HNRNPR: variants seen among roughly 807,000 people sequenced by gnomAD.
The protein encoded by HNRNPR is heterogeneous nuclear ribonucleoprotein R.
A neutral mutation model predicts 70.3 loss-of-function variants in HNRNPR; 4 were observed. The observed-to-expected ratio is 0.06, with a 90% CI of 0.03 to 0.13. HNRNPR has a LOEUF of 0.13. HNRNPR is among the 10% of genes least tolerant of loss of function. The pLI is 1.00. For missense variants in HNRNPR, 423 were observed against 788.5 expected (o/e 0.54, Z 5.55); for synonymous variants, 241 against 267.6 (o/e 0.90, Z 0.97).
intron 2 of HNRNPR, among the ~76,000 whole-genome samples, chr1:23,338,980 A>G (rs944810240): frequency 5.9e-5 from 9 of 152,250 alleles, no homozygotes; most frequent in Non-Finnish European, 1.0e-4. Flanking sequence ...TAGAGTGATA[A>G]GAATACATTG....
rs752495118 is a variant in HNRNPR at position 23,337,802 on chromosome 1, C to T, written c.336G>A (p.Gly112=). 112 of 1,613,572 alleles carry T rather than the reference C, an allele frequency of 6.9e-5. No homozygotes were observed. Among genetic ancestry groups the T allele is most frequent in the Non-Finnish European group, 8.6e-5 (102 of 1,179,744 alleles). Residue 112 remains glycine (G), a synonymous_variant, in exon 4 of 11, where the codon GGG becomes GGA. Transcript: ENST00000302271. ...MKTYRQREKQ[G]SKVQESTKGP... is the part of the protein sequence containing the mutation. ...CCTTTGTGGACTCTTGCACCTTGCT[C>T]CCCTGTTTCTCTCTCTGCCTGTAGG...
At position 23,311,185 on chromosome 1, in the gene HNRNPR, TA is replaced by T; in HGVS notation, c.1289+15del. 6.2e-7 allele frequency: 1 copy of T among 1,613,296 alleles called. No homozygotes were observed. Reference sequence around the variant, plus strand: ...ATTCCTTGTCCAAAGATATATCTACTAAAATGTAGACTCACGCAGTGCTTCT... The same window carrying T: ...ATTCCTTGTCCAAAGATATATCTACTAAATGTAGACTCACGCAGTGCTTCT... On this transcript the variant is annotated intron_variant, in intron 10 of 10. Transcript: ENST00000302271.
chr1:23,330,634 C>T (rs1646183823), intron 5 of HNRNPR, among the ~76,000 whole-genome samples: 1 of 152,216 alleles, frequency 6.6e-6, no homozygotes, highest in Non-Finnish European at 1.5e-5. Context: ...TCTGAGAGCT[C>T]AGACACACTA....
chr1:23,338,418 A>G, intron 3 of HNRNPR, 72 bp downstream of exon 3: 1 of 623,920 alleles, frequency 1.6e-6, no homozygotes, highest in East Asian at 3.0e-5. Context: ...ACTTCTCCAT[A>G]GGAAAAAAAG....
chr1:23,338,301 G>A (rs2148484340), intron 3 of HNRNPR, 189 bp downstream of exon 3: 1 of 404,298 alleles, frequency 2.5e-6, no homozygotes. Flanking sequence ...AAGGGGGTGG[G>A]AGAAAACTTT....
intron 9 of HNRNPR, among the ~76,000 whole-genome samples, chr1:23,312,438 A>C (rs1039196960): frequency 1.3e-5 from 2 of 152,202 alleles, no homozygotes; most frequent in Non-Finnish European, 2.9e-5. Context: ...TCGAGTCAGG[A>C]GGAATATTTA....
rs1442052109 is a variant in HNRNPR, at chr1:23,308,146, A to G, written c.*2308T>C. On this transcript the variant is annotated 3_prime_UTR_variant, in exon 11 of 11. Transcript: ENST00000302271. ...AATAGCCACAAAACCTATAAACCAA[A>G]TATTAGAGGGTACCTCTGCAAATAT... 6.6e-6 allele frequency: 1 copy of G among 152,082 alleles called. No individual in the cohort carries two copies. Among genetic ancestry groups the G allele is most frequent in the Non-Finnish European group, 1.5e-5 (1 of 67,924 alleles). 9.4% of individuals were successfully genotyped at this position (152,082 alleles called of 1,614,324 possible). A position where few individuals can be genotyped will look rare whatever the true frequency, so the allele number is the denominator to read the frequency against.
chr1:23,315,253 C>T (rs887175994), intron 8 of HNRNPR, among the ~76,000 whole-genome samples: 84 of 139,688 alleles, frequency 6.0e-4, no homozygotes, highest in African/African-American at 2.3e-3. Context: ...GCACTCCAGC[C>T]TGGGTGACAG....
In HNRNPR at chr1:23,318,788, G is replaced by T; in HGVS notation, c.812-100C>A. 9.3e-7 allele frequency: 1 copy of T among 1,069,658 alleles called. No individual in the cohort carries two copies. The highest frequency in any genetic ancestry group is 1.4e-6 in the Non-Finnish European group (1 of 724,730). The allele number at this position is 1,069,658 out of a possible 1,614,324, so 66.3% of individuals were successfully genotyped here. On this transcript the variant is annotated intron_variant, in intron 7 of 10. Transcript: ENST00000302271. This position sits in a 1 kb window ranked among gnomAD's most constrained non-coding sequence, Gnocchi z 4.2. Reference sequence around the variant, plus strand: ...ACTTGACGATGAGCAAAATATAAGTGAAGCAGCCTCAACATGAGTCACTAA... The same window carrying T: ...ACTTGACGATGAGCAAAATATAAGTTAAGCAGCCTCAACATGAGTCACTAA...
In HNRNPR at chr1:23,318,711, T is replaced by C. The variant is rs768241902; in HGVS notation, c.812-23A>G. 5 of 1,612,228 alleles carry C rather than the reference T, an allele frequency of 3.1e-6. No homozygotes were observed. Among genetic ancestry groups the C allele is most frequent in the African/African-American group, 2.7e-5 (2 of 74,884 alleles). ...CCTCTGTTAAACCAACAGCCAGATA[T>C]ATAAGCCAAAAGCATCCACCACACA... On this transcript the variant is annotated intron_variant, in intron 7 of 10. Coordinates refer to ENST00000302271, the MANE Select transcript of HNRNPR (RefSeq NM_005826.5). The surrounding 1 kb of genome is among the most constrained non-coding windows in gnomAD (Gnocchi z 4.2).
At chr1:23,334,925 T>G (rs931561942) in intron 4 of HNRNPR, among the ~76,000 whole-genome samples, 3 of 150,546 alleles carry the variant, frequency 2.0e-5, no homozygotes, top group Non-Finnish European at 3.0e-5. Flanking sequence ...TTTTTTTGGT[T>G]TTTTTTTTTT....
At chr1:23,313,793 C>T in intron 8 of HNRNPR, 91 bp from the exon 9 acceptor site, 1 of 1,365,874 alleles carries the variant, frequency 7.3e-7, no homozygotes, top group South Asian at 1.3e-5. Flanking sequence ...AGCTTTTCTC[C>T]TCTAAAACAT....
rs1392765548 is a variant in HNRNPR at position 23,306,032 on chromosome 1, T to G, written c.*4422A>C. 6.6e-6 allele frequency: 1 copy of G among 152,202 alleles called. No individual in the cohort carries two copies. Among genetic ancestry groups the G allele is most frequent in the Non-Finnish European group, 1.5e-5 (1 of 68,022 alleles). 9.4% of individuals were successfully genotyped at this position (152,202 alleles called of 1,614,324 possible). A position where few individuals can be genotyped will look rare whatever the true frequency, so the allele number is the denominator to read the frequency against. On this transcript the variant is annotated 3_prime_UTR_variant, in exon 11 of 11. Coordinates refer to ENST00000302271, the MANE Select transcript of HNRNPR (RefSeq NM_005826.5). ...TTCACTAAAATTAGTGTGCAATAAA[T>G]ATCTCTTTAAGATGCATTATATGTT...
rs1006488703 is a variant in HNRNPR at position 23,306,913 on chromosome 1, C to T, written c.*3541G>A. ...TGGTTTCCTCAGAACAACTCCACCC[C>T]TAAGTTAACAGAAGCTCCCATTCTT... is the stretch of plus-strand genomic sequence containing the variant. On this transcript the variant is annotated 3_prime_UTR_variant, in exon 11 of 11. Transcript: ENST00000302271. The T allele has an allele frequency of 1.3e-5, 2 of 152,132 alleles. No homozygotes were observed. Among genetic ancestry groups the T allele is most frequent in the African/African-American group, 4.8e-5 (2 of 41,428 alleles). The allele number at this position is 152,132 out of a possible 1,614,324, so 9.4% of individuals were successfully genotyped here.
At chr1:23,311,448 G>C in intron 9 of HNRNPR, 126 bp from the exon 10 acceptor site, 1 of 640,344 alleles carries the variant, frequency 1.6e-6, no homozygotes, top group South Asian at 2.3e-5. Flanking sequence ...TATTTTAAAT[G>C]GCAAAAGGTG....
chr1:23,317,048 GAC>G (rs1645571400), intron 8 of HNRNPR, among the ~76,000 whole-genome samples: 1 of 152,082 alleles, frequency 6.6e-6, no homozygotes, highest in Non-Finnish European at 1.5e-5. Flanking sequence ...TAAAAACCTT[GAC>G]TTCTGACTTA....
intron 4 of HNRNPR, 64 bp from the exon 5 acceptor site, chr1:23,333,695 T>G: frequency 1.1e-6 from 1 of 928,590 alleles, no homozygotes; most frequent in Non-Finnish European, 1.7e-6. Context: ...CATCAGTGTA[T>G]TAATCTTTTC....
In HNRNPR at chr1:23,318,406, C is replaced by G. The variant is rs1392485424; in HGVS notation, c.1017+77G>C. On this transcript the variant is annotated intron_variant, in intron 8 of 10. Transcript: ENST00000302271. This position sits in a 1 kb window ranked among gnomAD's most constrained non-coding sequence, Gnocchi z 4.2. ...GCTACAATTTCTATTTATCATAAAA[C>G]TCAAAATATTTGAGCTTTATTCTGA... 1 of 1,253,354 alleles carries G rather than the reference C, an allele frequency of 8.0e-7. No homozygotes were observed. The highest frequency in any genetic ancestry group is 1.1e-6 in the Non-Finnish European group (1 of 871,578). The allele number at this position is 1,253,354 out of a possible 1,614,324, so 77.6% of individuals were successfully genotyped here. A position where few individuals can be genotyped will look rare whatever the true frequency, so the allele number is the denominator to read the frequency against.
At chr1:23,323,519 T>C (rs1283435191) in intron 6 of HNRNPR, 37 bp downstream of exon 6, 3 of 1,537,554 alleles carry the variant, frequency 2.0e-6, no homozygotes, top group African/African-American at 1.4e-5. Context: ...TTTCCTCAAA[T>C]AGTGACTTGC....
Sources: allele counts gnomAD v4.1 joint callset (sites outside exome capture counted in the v4.1 genomes callset), GRCh38; gene constraint gnomAD v4.1.1; non-coding constraint Gnocchi (gnomAD v3.1); transcripts MANE v1.5; gene names NCBI Gene and HGNC (gene_info 2026-07-23, HGNC 2026-07-21).